The following EFCAB6 variants were observed in gnomAD, a reference collection of about 807,000 sequenced individuals.
The protein encoded by EFCAB6 is EF-hand calcium-binding domain-containing protein 6.
Under a neutral mutation model 169.8 loss-of-function variants are expected in EFCAB6, and 156 were observed. The observed-to-expected ratio is 0.92, with a 90% CI of 0.81 to 1.05. EFCAB6 has a LOEUF of 1.05. Among genes scored for constraint, EFCAB6 ranks in the 50% least tolerant of loss-of-function variants. EFCAB6 has a pLI of 0.00. For missense variants in EFCAB6, 1,800 were observed against 1,829.1 expected (o/e 0.98, Z 0.29); for synonymous variants, 698 against 676.4 (o/e 1.03, Z -0.50).
intron 10 of EFCAB6, among the ~76,000 whole-genome samples, chr22:43,704,512 C>T (rs1173451861): frequency 6.6e-6 from 1 of 152,062 alleles, no homozygotes; most frequent in Non-Finnish European, 1.5e-5. Context: ...ATTGTATCTT[C>T]AGTACAAATG....
chr22:43,778,983 T>C (rs2061727015), intron 3 of EFCAB6, among the ~76,000 whole-genome samples: 1 of 151,900 alleles, frequency 6.6e-6, no homozygotes. Context: ...GAAAGAATAA[T>C]GACCAGGTAG....
chr22:43,722,048 C>T (rs1186054017), intron 8 of EFCAB6, among the ~76,000 whole-genome samples: 1 of 151,872 alleles, frequency 6.6e-6, no homozygotes, highest in African/African-American at 2.4e-5. Context: ...TATCAACAAG[C>T]AGAAAACAAA....
chr22:43,541,294 A>G (rs929280292), intron 27 of EFCAB6, among the ~76,000 whole-genome samples: 71 of 152,354 alleles, frequency 4.7e-4, no homozygotes, highest in African/African-American at 1.7e-3. Flanking sequence ...TTGAATCCTC[A>G]GAAGAAGCAG....
At chr22:43,807,791 T>C (rs1028210857) in intron 2 of EFCAB6, among the ~76,000 whole-genome samples, 1 of 152,264 alleles carries the variant, frequency 6.6e-6, no homozygotes, top group Non-Finnish European at 1.5e-5. Context: ...TATACTGATA[T>C]CAAATGGACT....
rs145064515 is a variant in EFCAB6 at position 43,577,410 on chromosome 22, A to C, written c.3229-922T>G. Among the ~76,000 whole-genome samples, 25 of 152,288 alleles carry C rather than the reference A, an allele frequency of 1.6e-4. No homozygotes were observed. In the East Asian group the frequency reaches 4.4e-3, roughly 27 times the overall value. ...TGATGGCATATGTGTAATCAAATTA[A>C]CCTTAAAACATCAGATAGCTTCACA... is the stretch of plus-strand genomic sequence containing the variant. On this transcript the variant is annotated intron_variant, in intron 25 of 31. Coordinates refer to ENST00000262726, the MANE Select transcript of EFCAB6 (RefSeq NM_022785.4).
At chr22:43,648,833 G>A (rs1398299255) in intron 17 of EFCAB6, among the ~76,000 whole-genome samples, 2 of 152,292 alleles carry the variant, frequency 1.3e-5, no homozygotes, top group African/African-American at 4.8e-5. Context: ...TTATAAAATT[G>A]ATTCATGCAT....
intron 6 of EFCAB6, among the ~76,000 whole-genome samples, chr22:43,737,685 G>C (rs2060199148): frequency 7.1e-6 from 1 of 140,096 alleles, no homozygotes; most frequent in South Asian, 2.3e-4. Context: ...ATACACACCT[G>C]TGCATGTACT....
At chr22:43,591,534 G>A (rs908999997) in intron 23 of EFCAB6, among the ~76,000 whole-genome samples, 1 of 151,006 alleles carries the variant, frequency 6.6e-6, no homozygotes, top group African/African-American at 2.4e-5. Flanking sequence ...ATCAAGGGCC[G>A]TGCTGCCATC....
chr22:43,712,719 G>C (rs543648207), intron 9 of EFCAB6, among the ~76,000 whole-genome samples: 3 of 152,052 alleles, frequency 2.0e-5, no homozygotes, highest in East Asian at 1.9e-4. Flanking sequence ...GGTGTGTAGC[G>C]GGGGCTCGGT....
chr22:43,689,859 C>A (rs1319060089), intron 10 of EFCAB6, among the ~76,000 whole-genome samples: 1 of 152,152 alleles, frequency 6.6e-6, no homozygotes, highest in Non-Finnish European at 1.5e-5. Context: ...CTGTGTGAGA[C>A]TGGAAGTTGC....
rs146792558 is a variant in EFCAB6 at position 43,626,398 on chromosome 22, G to A, written c.2465+49C>T. The A allele has an allele frequency of 6.8e-5, 106 of 1,556,930 alleles. No individual in the cohort carries two copies. In the East Asian group the frequency reaches 2.3e-3, roughly 34 times the overall value. ...CCATGGAAATGCTGGACGTCACAGT[G>A]GCACGGGCCGGCATATATTAAAGAC... On this transcript the variant is annotated intron_variant, in intron 20 of 31. Coordinates refer to ENST00000262726, the MANE Select transcript of EFCAB6 (RefSeq NM_022785.4).
chr22:43,604,895 G>A (rs2052800064), intron 22 of EFCAB6, among the ~76,000 whole-genome samples: 1 of 152,188 alleles, frequency 6.6e-6, no homozygotes, highest in African/African-American at 2.4e-5. Flanking sequence ...GGATCTCCAC[G>A]GATATTTCCG....
chr22:43,531,376 A>G (rs1769217604), intron 30 of EFCAB6, among the ~76,000 whole-genome samples: 1 of 152,206 alleles, frequency 6.6e-6, no homozygotes, highest in Non-Finnish European at 1.5e-5. Context: ...CCAATTTGAA[A>G]ATAGTTTGAG....
In EFCAB6 at chr22:43,566,126, C is replaced by T. The variant is rs770130716; in HGVS notation, c.3420+10171G>A. Among the ~76,000 whole-genome samples the T allele has an allele frequency of 2.2e-4, 34 of 152,172 alleles. 1 individual carries two copies. Among genetic ancestry groups the T allele is most frequent in the African/African-American group, 7.2e-4 (30 of 41,444 alleles). ...GGATCAAGAAACGGACGCTGGCCTC[C>T]GAAGGGCTCAGCACATGCCTGAGGG... On this transcript the variant is annotated intron_variant, in intron 26 of 31. Transcript: ENST00000262726.
At chr22:43,579,800 A>C (rs1265421556) in intron 25 of EFCAB6, among the ~76,000 whole-genome samples, 9 of 119,170 alleles carry the variant, frequency 7.6e-5, no homozygotes, top group East Asian at 5.4e-4. Context: ...GCATCATTCC[A>C]CACACGCAGG....
intron 28 of EFCAB6, among the ~76,000 whole-genome samples, chr22:43,538,752 C>T (rs1470484286): frequency 6.6e-6 from 1 of 152,192 alleles, no homozygotes. Context: ...AGCAAAGGCT[C>T]CATACCCCTT....
intron 27 of EFCAB6, chr22:43,552,978 AT>A (rs913598695): frequency 2.0e-5 from 3 of 152,160 alleles, no homozygotes; most frequent in Non-Finnish European, 4.4e-5. Flanking sequence ...ACAGCATTTA[AT>A]TTTGCTTAGC....
chr22:43,686,733 G>C lies in EFCAB6; in HGVS notation c.1142+738C>G, dbSNP rs192855663. Among the ~76,000 whole-genome samples the C allele has an allele frequency of 2.8e-3, 433 of 152,024 alleles. 2 individuals are homozygous for C. Among genetic ancestry groups the C allele is most frequent in the Middle Eastern group, 0.027 (8 of 292 alleles). ...CCCACAAAATGGGAATTAACTCCATGGTATATTTTACTTTACAGTAGAGCA... is the reference window on the plus strand; with the variant it reads ...CCCACAAAATGGGAATTAACTCCATCGTATATTTTACTTTACAGTAGAGCA... On this transcript the variant is annotated intron_variant, in intron 11 of 31. Transcript: ENST00000262726.
chr22:43,683,530 A>G (rs2058080800), intron 12 of EFCAB6: 1 of 531,888 alleles, frequency 1.9e-6, no homozygotes, highest in East Asian at 3.0e-5. Context: ...ATTGCAATTA[A>G]TTTTCCATCG....
Sources: gnomAD v4.1 joint callset for allele counts (sites outside exome capture counted in the v4.1 genomes callset) on GRCh38, gnomAD v4.1.1 for gene constraint, MANE v1.5 for transcripts, NCBI Gene and HGNC (gene_info 2026-07-23, HGNC 2026-07-21) for gene names.